ADGRL2: variants seen among roughly 807,000 people sequenced by gnomAD.
ADGRL2 encodes the protein adhesion G protein-coupled receptor L2.
A neutral mutation model predicts 157.4 loss-of-function variants in ADGRL2; 44 were observed. That is an observed-to-expected ratio of 0.28 (90% CI 0.22 to 0.36). The LOEUF is 0.36. Among genes scored for constraint, ADGRL2 ranks in the 10% least tolerant of loss-of-function variants. The pLI is 1.00. For synonymous variants in ADGRL2, 585 were observed against 624.7 expected, an observed-to-expected ratio of 0.94 and a Z score of 0.95; for missense variants, 1,510 against 1,768.9, an observed-to-expected ratio of 0.85 and a Z score of 2.63.
chr1:81,861,891 A>G (rs960651543), intron 2 of ADGRL2, among the ~76,000 whole-genome samples: 5 of 148,148 alleles, frequency 3.4e-5, no homozygotes, highest in African/African-American at 1.2e-4. Flanking sequence ...TCAAAAGAAG[A>G]AAAAAAAAAA....
At chr1:81,721,171 C>G (rs2084304421) in intron 1 of ADGRL2, among the ~76,000 whole-genome samples, 1 of 151,214 alleles carries the variant, frequency 6.6e-6, no homozygotes, top group Admixed American at 6.6e-5. Flanking sequence ...CGCACCCCGC[C>G]AGATTTAAAC....
At chr1:81,971,814 A>G in intron 16 of ADGRL2, 38 bp from the exon 17 acceptor site, 3 of 1,126,744 alleles carry the variant, frequency 2.7e-6, no homozygotes, top group Non-Finnish European at 4.0e-6. Flanking sequence ...GAGGTTCCAT[A>G]GAAACTACTA....
chr1:81,519,250 T>A (rs1055995606), intron 2 of ADGRL2, among the ~76,000 whole-genome samples: 2 of 152,212 alleles, frequency 1.3e-5, no homozygotes, highest in African/African-American at 4.8e-5. Context: ...TGATTCTGTT[T>A]ATGTGTATTC....
At chr1:81,356,778 C>T (rs1663322947) in intron 1 of ADGRL2, among the ~76,000 whole-genome samples, 2 of 151,590 alleles carry the variant, frequency 1.3e-5, no homozygotes, top group Admixed American at 6.6e-5. Context: ...ACGGTGAAAC[C>T]CCGTCTCTAC....
At chr1:81,818,921 T>C (rs2090696987) in intron 1 of ADGRL2, among the ~76,000 whole-genome samples, 1 of 152,006 alleles carries the variant, frequency 6.6e-6, no homozygotes, top group African/African-American at 2.4e-5. Context: ...AGTTCAGAGG[T>C]AAAGGCACAG....
chr1:81,731,482 A>C (rs376503579), intron 1 of ADGRL2, among the ~76,000 whole-genome samples: 3 of 151,796 alleles, frequency 2.0e-5, no homozygotes, highest in East Asian at 3.9e-4. Context: ...GAGACTCCCT[A>C]AGATTTCAAA....
chr1:81,323,550 G>A (rs937288698), intron 1 of ADGRL2, among the ~76,000 whole-genome samples: 1 of 151,308 alleles, frequency 6.6e-6, no homozygotes, highest in South Asian at 2.1e-4. Context: ...ACTACACCCA[G>A]CCAAGAAATT....
In ADGRL2 at chr1:81,727,512, A is replaced by G. The variant is rs551181535; in HGVS notation, c.-143+27704A>G. Among the ~76,000 whole-genome samples the G allele has an allele frequency of 1.8e-4, 28 of 152,080 alleles. No homozygotes were observed. In the South Asian group the frequency reaches 5.6e-3, roughly 30 times the overall value. ...CAGTGGCATGATCTCAGCTCACCCT[A>G]ACCTCTGACTCCCTGGTTCAAGCAA... is the stretch of plus-strand genomic sequence containing the variant. On this transcript the variant is annotated intron_variant, in intron 1 of 20. Coordinates refer to the ADGRL2 transcript ENST00000359929.
intron 2 of ADGRL2, among the ~76,000 whole-genome samples, chr1:81,787,966 A>G (rs1156273029): frequency 6.6e-6 from 1 of 152,196 alleles, no homozygotes; most frequent in African/African-American, 2.4e-5. Flanking sequence ...GAGCTCAAAC[A>G]TTAAAATGTT....
chr1:81,517,862 G>T (rs963435049), intron 2 of ADGRL2, among the ~76,000 whole-genome samples: 23 of 152,280 alleles, frequency 1.5e-4, no homozygotes, highest in African/African-American at 5.1e-4. Context: ...TTAGAGGGGC[G>T]TTACAAATCC....
At chr1:81,931,681 T>A (rs2148781142) in intron 3 of ADGRL2, among the ~76,000 whole-genome samples, 1 of 152,272 alleles carries the variant, frequency 6.6e-6, no homozygotes, top group South Asian at 2.1e-4. Flanking sequence ...TCCTTGTTTT[T>A]GTTTTTGAGA....
chr1:81,686,051 A>G (rs1462897378), intron 3 of ADGRL2, among the ~76,000 whole-genome samples: 1 of 152,134 alleles, frequency 6.6e-6, no homozygotes. Flanking sequence ...TATTTTGTTA[A>G]GGATTTTAGC....
chr1:81,388,202 C>T (rs72713455), intron 1 of ADGRL2, among the ~76,000 whole-genome samples: 10,063 of 152,160 alleles, frequency 0.066, 363 homozygotes, highest in African/African-American at 0.087. Context: ...TCCCTTCTGA[C>T]TGATGATTCT....
chr1:81,797,703 TCA>T (rs779641265), upstream of ADGRL2, among the ~76,000 whole-genome samples: 15 of 152,186 alleles, frequency 9.9e-5, no homozygotes, highest in Non-Finnish European at 2.2e-4. Flanking sequence ...ATGATAAATC[TCA>T]GTTTAAAAAT....
intron 2 of ADGRL2, among the ~76,000 whole-genome samples, chr1:81,486,579 T>C (rs927030920): frequency 6.6e-6 from 1 of 152,184 alleles, no homozygotes; most frequent in African/African-American, 2.4e-5. Flanking sequence ...ATTAGGTAGA[T>C]GGGAATTATT....
intron 3 of ADGRL2, among the ~76,000 whole-genome samples, chr1:81,686,594 T>C (rs1287239399): frequency 6.6e-6 from 1 of 152,192 alleles, no homozygotes; most frequent in African/African-American, 2.4e-5. Flanking sequence ...TTTTGTTTCA[T>C]TTAACTTTGG....
intron 1 of ADGRL2, among the ~76,000 whole-genome samples, chr1:81,310,524 TG>T (rs1326671930): frequency 6.6e-6 from 1 of 152,172 alleles, no homozygotes; most frequent in Non-Finnish European, 1.5e-5. Context: ...AAGTAACAAA[TG>T]AAAAACAATT....
chr1:81,910,114 C>T (rs1469914395), intron 3 of ADGRL2, among the ~76,000 whole-genome samples: 5 of 151,844 alleles, frequency 3.3e-5, no homozygotes, highest in African/African-American at 9.7e-5. Flanking sequence ...GTGGCAGGCA[C>T]CTGTAATCCC....
chr1:81,880,603 T>C (rs546754641), intron 2 of ADGRL2, among the ~76,000 whole-genome samples: 5 of 152,256 alleles, frequency 3.3e-5, no homozygotes, highest in Non-Finnish European at 5.9e-5. Context: ...CGAGGGCTTC[T>C]ATATCTGCTT....
Sources: allele counts gnomAD v4.1 joint callset (sites outside exome capture counted in the v4.1 genomes callset), GRCh38; gene constraint gnomAD v4.1.1; transcripts MANE v1.5; gene names NCBI Gene and HGNC (gene_info 2026-07-23, HGNC 2026-07-21).